TANGO6: variants seen among roughly 807,000 people sequenced by gnomAD.
TANGO6 encodes the protein transport and golgi organization 6 homolog.
Under a neutral mutation model 114.2 loss-of-function variants are expected in TANGO6, and 90 were observed. That is an observed-to-expected ratio of 0.79 (90% CI 0.66 to 0.94). TANGO6 has a LOEUF of 0.94. TANGO6 is among the 40% of genes least tolerant of loss of function. The pLI is 0.00. For missense variants in TANGO6, 1,274 were observed against 1,315.3 expected (o/e 0.97, Z 0.49); for synonymous variants, 477 against 509.8 (o/e 0.94, Z 0.87).
chr16:69,084,917 A>C lies in TANGO6; in HGVS notation c.*1256A>C, dbSNP rs538714555. The C allele has an allele frequency of 6.6e-6, 1 of 152,468 alleles. No individual in the cohort carries two copies. The highest frequency in any genetic ancestry group is 6.5e-5 in the Admixed American group (1 of 15,300). 9.4% of individuals were successfully genotyped at this position (152,468 alleles called of 1,614,324 possible). On this transcript the variant is annotated 3_prime_UTR_variant, in exon 18 of 18. Transcript: ENST00000261778. ...TGGCCAGATCACAGACATGGTTCTGAGTCAGATCTTCCTTGGTGGCATCCC... is the reference window on the plus strand; with the variant it reads ...TGGCCAGATCACAGACATGGTTCTGCGTCAGATCTTCCTTGGTGGCATCCC...
chr16:69,022,855 C>A lies in TANGO6; in HGVS notation c.2870C>A (p.Pro957His). Residue 957 changes from proline to histidine, a missense_variant, in exon 16 of 18, where the codon CCT becomes CAT. Around this residue, in one of 5 missense-constraint regions of TANGO6, gnomAD observed 238 missense variants for 252.9 expected, o/e 0.94. Coordinates refer to ENST00000261778, the MANE Select transcript of TANGO6 (RefSeq NM_024562.2). ...GACATGGTCTCAAAGTACCGAGAAC[C>A]TTTGATCCATACCTTCCTGAGGGGA... ...LGDMVSKYRE[P>H]LIHTFLRGVR... 6.3e-7 allele frequency: 1 copy of A among 1,588,730 alleles called. No individual in the cohort carries two copies. Among genetic ancestry groups the A allele is most frequent in the East Asian group, 2.3e-5 (1 of 44,126 alleles).
At chr16:68,932,503 A>G (rs78235713) in intron 14 of TANGO6, among the ~76,000 whole-genome samples, 30,350 of 152,052 alleles carry the variant, frequency 0.2, 3,378 homozygotes, top group African/African-American at 0.3. Context: ...CAACATTAGG[A>G]CCGGGAGCAG....
intron 9 of TANGO6, 72 bp downstream of exon 9, chr16:68,902,576 A>T: frequency 7.4e-7 from 1 of 1,350,432 alleles, no homozygotes; most frequent in Non-Finnish European, 9.8e-7. Context: ...TGATTCAACC[A>T]CTAAGGGGCG....
At position 69,026,737 on chromosome 16, in the gene TANGO6, G is replaced by A. The variant is rs1959508272; in HGVS notation, c.2994+3758G>A. On this transcript the variant is annotated intron_variant, in intron 16 of 17. Coordinates refer to ENST00000261778, the MANE Select transcript of TANGO6 (RefSeq NM_024562.2). ...TGTTTGTTTGTTTGTTTGTGGTGGA[G>A]TCTTGCTCTGTCACCTAGGCTGGAG... 2.6e-5 allele frequency: 4 copies of A among 153,074 alleles called. No individual in the cohort carries two copies. The Admixed American group carries it at 2.6e-4, about 10-fold the overall frequency. The allele number at this position is 153,074 out of a possible 1,614,324, so 9.5% of individuals were successfully genotyped here. A position where few individuals can be genotyped will look rare whatever the true frequency, so the allele number is the denominator to read the frequency against.
rs2152196124 is a variant in TANGO6 at position 68,927,903 on chromosome 16, T to C, written c.2463T>C (p.Asn821=). 3 of 1,613,932 alleles carry C rather than the reference T, an allele frequency of 1.9e-6. No homozygotes were observed. Among genetic ancestry groups the C allele is most frequent in the South Asian group, 2.2e-5 (2 of 91,060 alleles). Residue 821 remains asparagine, a synonymous_variant, in exon 13 of 18, where the codon AAT becomes AAC. Transcript: ENST00000261778. Reference sequence around the variant, plus strand: ...CTCCAATCATTCCTCAAGGAGTCAATGAGCCCAGCACTACTACAAGTCAGA... The same window carrying C: ...CTCCAATCATTCCTCAAGGAGTCAACGAGCCCAGCACTACTACAAGTCAGA... ...SNAPIIPQGV[N]EPSTTTSQKS... is the part of the protein sequence containing the mutation.
chr16:69,000,123 A>G (rs1964026996), intron 15 of TANGO6, among the ~76,000 whole-genome samples: 1 of 152,242 alleles, frequency 6.6e-6, no homozygotes, highest in African/African-American at 2.4e-5. Context: ...ATTACTGATA[A>G]TGTACACTAA....
At chr16:68,859,749 G>T (rs1461296844) in intron 1 of TANGO6, 135 bp from the exon 2 acceptor site, 3 of 994,760 alleles carry the variant, frequency 3.0e-6, no homozygotes, top group Non-Finnish European at 4.3e-6. Context: ...TGGTACCCCT[G>T]GGGGAGGCTT....
chr16:68,928,298 A>AT (rs10701295), intron 13 of TANGO6, among the ~76,000 whole-genome samples: 8,727 of 98,216 alleles, frequency 0.089, 769 homozygotes, highest in African/African-American at 0.13. Context: ...CTGAGTGCCA[A>AT]TTTTTTTTTT....
At chr16:68,989,403 T>G (rs986366083) in intron 15 of TANGO6, among the ~76,000 whole-genome samples, 3 of 152,218 alleles carry the variant, frequency 2.0e-5, no homozygotes, top group African/African-American at 7.2e-5. Flanking sequence ...TTTCACTGTT[T>G]AACTCATCCA....
intron 15 of TANGO6, among the ~76,000 whole-genome samples, chr16:69,001,071 C>A (rs977575143): frequency 2.0e-5 from 3 of 152,166 alleles, no homozygotes; most frequent in Non-Finnish European, 2.9e-5. Flanking sequence ...AAAACACATT[C>A]TCATGCCTTT....
At chr16:68,938,271 G>A (rs921697944) in intron 14 of TANGO6, among the ~76,000 whole-genome samples, 4 of 152,192 alleles carry the variant, frequency 2.6e-5, no homozygotes, top group Non-Finnish European at 5.9e-5. Flanking sequence ...TGGAGGTTTT[G>A]TAAACAGGAG....
rs533059065 is a variant in TANGO6 at position 68,982,432 on chromosome 16, C to T, written c.2842+8264C>T. ...CTCACTGCAACCTCCTGGGTTCAAG[C>T]GATTCTCCTGCTTCAGTCTCCTGAG... On this transcript the variant is annotated intron_variant, in intron 15 of 17. Transcript: ENST00000261778. Among the ~76,000 whole-genome samples the T allele has an allele frequency of 2.6e-5, 4 of 152,064 alleles. No individual in the cohort carries two copies. The South Asian group carries it at 6.2e-4, about 24-fold the overall frequency.
chr16:68,872,514 C>G (rs1962288563), intron 4 of TANGO6, among the ~76,000 whole-genome samples: 2 of 151,814 alleles, frequency 1.3e-5, no homozygotes, highest in Admixed American at 1.3e-4. Flanking sequence ...GTTGGCCAGG[C>G]TGGTCTTGAA....
intron 7 of TANGO6, among the ~76,000 whole-genome samples, chr16:68,897,478 A>G (rs1962721006): frequency 6.6e-6 from 1 of 152,204 alleles, no homozygotes; most frequent in South Asian, 2.1e-4. Context: ...ATACGTATAA[A>G]TAGCTGTACA....
intron 2 of TANGO6, among the ~76,000 whole-genome samples, chr16:68,861,400 C>T (rs1962090390): frequency 6.6e-6 from 1 of 152,218 alleles, no homozygotes; most frequent in African/African-American, 2.4e-5. Context: ...CTCCTGCCTA[C>T]ATTCATAAAC....
chr16:69,008,434 G>A (rs144104302), intron 15 of TANGO6, among the ~76,000 whole-genome samples: 181 of 152,264 alleles, frequency 1.2e-3, no homozygotes, highest in African/African-American at 4.1e-3. Context: ...ATCTTGCTAT[G>A]TTGATCAAAG....
At chr16:68,939,709 G>T (rs1963332698) in intron 14 of TANGO6, among the ~76,000 whole-genome samples, 1 of 151,826 alleles carries the variant, frequency 6.6e-6, no homozygotes, top group Non-Finnish European at 1.5e-5. Context: ...AAAAGCTAGA[G>T]CAGATATGCA....
intron 1 of TANGO6, among the ~76,000 whole-genome samples, chr16:68,847,927 G>A (rs1195552327): frequency 1.3e-5 from 2 of 150,550 alleles, no homozygotes; most frequent in African/African-American, 2.5e-5. Context: ...TTGAACCCAG[G>A]AGGCAGAGGT....
chr16:69,046,063 C>CAAAAAAA (rs61017260), intron 17 of TANGO6, among the ~76,000 whole-genome samples: 2 of 95,924 alleles, frequency 2.1e-5, no homozygotes, highest in African/African-American at 4.4e-5. Flanking sequence ...GACTCCAACT[C>CAAAAAAA]AAAAAAAAAA....
Sources: gnomAD v4.1 joint callset for allele counts (sites outside exome capture counted in the v4.1 genomes callset) on GRCh38, gnomAD v4.1.1 for gene constraint, gnomAD v4.1.1 regional missense constraint, MANE v1.5 for transcripts, NCBI Gene and HGNC (gene_info 2026-07-23, HGNC 2026-07-21) for gene names.